CTNNA3: variants seen among roughly 807,000 people sequenced by gnomAD.
The protein encoded by CTNNA3 is catenin alpha 3.
CTNNA3 carries 76 observed loss-of-function variants against 95.7 expected under a neutral mutation model. The observed-to-expected ratio is 0.79, with a 90% CI of 0.66 to 0.96. CTNNA3 has a LOEUF of 0.96. CTNNA3 is among the 40% of genes least tolerant of loss of function. The probability of loss-of-function intolerance (pLI) is 0.00; values close to 1 mark genes in which losing one functional copy is unlikely to be tolerated. For synonymous variants in CTNNA3, 431 were observed against 374.4 expected, an observed-to-expected ratio of 1.15 and a Z score of -1.74; for missense variants, 1,191 against 1,089.8, an observed-to-expected ratio of 1.09 and a Z score of -1.31.
At chr10:66,974,419 T>C (rs537790412) in intron 7 of CTNNA3, among the ~76,000 whole-genome samples, 7 of 152,330 alleles carry the variant, frequency 4.6e-5, no homozygotes, top group Admixed American at 3.9e-4. Flanking sequence ...GATGGACATT[T>C]AGGTTGCCTC....
At chr10:66,488,004 C>T (rs931931032) in intron 11 of CTNNA3, among the ~76,000 whole-genome samples, 9 of 152,140 alleles carry the variant, frequency 5.9e-5, no homozygotes, top group African/African-American at 2.2e-4. Context: ...AAAATCACTG[C>T]CATCAGCAGT....
intron 15 of CTNNA3, among the ~76,000 whole-genome samples, chr10:66,060,016 C>T (rs2080162992): frequency 6.6e-6 from 1 of 151,960 alleles, no homozygotes; most frequent in Middle Eastern, 3.4e-3. Flanking sequence ...ATTATTTATT[C>T]AAGGAAGAGT....
At chr10:66,872,795 A>G (rs942646513) in intron 7 of CTNNA3, among the ~76,000 whole-genome samples, 1 of 152,058 alleles carries the variant, frequency 6.6e-6, no homozygotes, top group Non-Finnish European at 1.5e-5. Flanking sequence ...CCTGTCACTG[A>G]GGCAGTGAGC....
chr10:67,501,264 T>C (rs1350881257), intron 5 of CTNNA3, among the ~76,000 whole-genome samples: 2 of 152,260 alleles, frequency 1.3e-5, no homozygotes, highest in African/African-American at 4.8e-5. Flanking sequence ...TGAAAATTCT[T>C]TTCTTTAATA....
At chr10:67,247,349 T>C (rs1865943250) in intron 5 of CTNNA3, among the ~76,000 whole-genome samples, 1 of 152,164 alleles carries the variant, frequency 6.6e-6, no homozygotes, top group South Asian at 2.1e-4. Flanking sequence ...CAGTTGTACT[T>C]ATAGACACTT....
intron 7 of CTNNA3, among the ~76,000 whole-genome samples, chr10:67,092,528 A>G (rs1220674949): frequency 6.6e-6 from 1 of 151,982 alleles, no homozygotes; most frequent in Non-Finnish European, 1.5e-5. Flanking sequence ...AATTCATATG[A>G]ATGTTCATAT....
chr10:66,289,646 T>C (rs1421822961), intron 12 of CTNNA3, among the ~76,000 whole-genome samples: 4 of 152,142 alleles, frequency 2.6e-5, no homozygotes, highest in East Asian at 1.9e-4. Flanking sequence ...GAGCTTACTA[T>C]TTAAGGCAAC....
intron 7 of CTNNA3, among the ~76,000 whole-genome samples, chr10:67,065,671 C>T (rs2133234485): frequency 6.6e-6 from 1 of 152,110 alleles, no homozygotes; most frequent in East Asian, 1.9e-4. Context: ...ATGCCCTTTC[C>T]CCAAGCATGA....
chr10:66,623,022 T>G (rs1186117210), intron 9 of CTNNA3, among the ~76,000 whole-genome samples: 1 of 152,028 alleles, frequency 6.6e-6, no homozygotes, highest in South Asian at 2.1e-4. Flanking sequence ...CTTGAAAAGG[T>G]CTTTTGTTGG....
chr10:66,373,758 C>A (rs2132470248), intron 12 of CTNNA3, among the ~76,000 whole-genome samples: 1 of 152,342 alleles, frequency 6.6e-6, no homozygotes, highest in East Asian at 1.9e-4. Context: ...TTGCTGGAAG[C>A]ATTACCAAAA....
chr10:66,327,436 G>A (rs764488549), intron 12 of CTNNA3, among the ~76,000 whole-genome samples: 3 of 151,992 alleles, frequency 2.0e-5, no homozygotes, highest in Non-Finnish European at 2.9e-5. Flanking sequence ...TCCTGAGATT[G>A]CAATTGTTTA....
chr10:67,380,089 T>C (rs921590462), intron 5 of CTNNA3, among the ~76,000 whole-genome samples: 4 of 151,730 alleles, frequency 2.6e-5, no homozygotes, highest in Admixed American at 6.6e-5. Context: ...AGGGGCATTA[T>C]GCCTGTTATC....
chr10:67,348,647 G>T (rs906340274), intron 5 of CTNNA3, among the ~76,000 whole-genome samples: 2 of 151,938 alleles, frequency 1.3e-5, no homozygotes, highest in African/African-American at 4.8e-5. Context: ...CAACCAGATC[G>T]CACATGAATT....
At chr10:66,732,838 C>T (rs1849005043) in intron 9 of CTNNA3, among the ~76,000 whole-genome samples, 1 of 152,040 alleles carries the variant, frequency 6.6e-6, no homozygotes, top group Non-Finnish European at 1.5e-5. Context: ...TTCTGTTACC[C>T]AGGCTGGAGT....
rs75452411 is a variant in CTNNA3 at position 67,289,471 on chromosome 10, G to T, written c.580-69601C>A. Among the ~76,000 whole-genome samples the T allele has an allele frequency of 7.9e-3, 1,206 of 152,264 alleles. 42 individuals carry two copies. In the South Asian group the frequency reaches 0.098, roughly 12 times the overall value. The stretch of plus-strand genomic sequence containing the variant: ...CAGGGTAATTACATCCAAGGTCTAA[G>T]TGTCAAAACAAATGATTGTCAGAGG... On this transcript the variant is annotated intron_variant, in intron 5 of 17. Transcript: ENST00000433211.
intron 5 of CTNNA3, among the ~76,000 whole-genome samples, chr10:67,433,577 G>C (rs930571841): frequency 6.6e-6 from 1 of 151,842 alleles, no homozygotes; most frequent in African/African-American, 2.4e-5. Flanking sequence ...AATAAAACGA[G>C]GTATGCCTGT....
intron 12 of CTNNA3, among the ~76,000 whole-genome samples, chr10:66,341,959 GTGTA>G (rs2092457894): frequency 6.6e-6 from 1 of 151,418 alleles, no homozygotes; most frequent in Non-Finnish European, 1.5e-5. Flanking sequence ...ATGTGTGTGT[GTGTA>G]TATATATATA....
intron 2 of CTNNA3, among the ~76,000 whole-genome samples, chr10:67,635,510 T>C (rs1007945226): frequency 4.6e-5 from 7 of 152,134 alleles, no homozygotes; most frequent in Middle Eastern, 3.2e-3. Context: ...CAAGGTTGGT[T>C]CAACATATGC....
intron 13 of CTNNA3, among the ~76,000 whole-genome samples, chr10:66,129,641 C>T (rs112375989): frequency 2.6e-5 from 4 of 152,158 alleles, no homozygotes; most frequent in African/African-American, 9.7e-5. Flanking sequence ...GGGCCCCAGC[C>T]TGGCCGTGCC....
Sources: allele counts gnomAD v4.1 joint callset (sites outside exome capture counted in the v4.1 genomes callset), GRCh38; gene constraint gnomAD v4.1.1; transcripts MANE v1.5; gene names NCBI Gene and HGNC (gene_info 2026-07-23, HGNC 2026-07-21).